SNED1: variants seen among roughly 807,000 people sequenced by gnomAD.
SNED1 encodes sushi, nidogen and EGF like domains 1.
In SNED1, 81 loss-of-function variants were observed where a neutral mutation model predicts 166.7. That is an observed-to-expected ratio of 0.49 (90% CI 0.41 to 0.58). The LOEUF (loss-of-function observed/expected upper bound fraction) is 0.58. Ranked by LOEUF, SNED1 falls within the 20% of genes least tolerant of loss-of-function variation. SNED1 has a pLI of 0.00. For synonymous variants in SNED1, 762 were observed against 822.0 expected (o/e 0.93, Z 1.25); for missense variants, 1,604 against 2,000.2 (o/e 0.80, Z 3.78).
rs940967034 is a variant in SNED1 at position 240,999,163 on chromosome 2, G to A, written c.213+113G>A. On this transcript the variant is annotated intron_variant, in intron 1 of 31. Transcript: ENST00000310397. The surrounding 1 kb of genome is among the most constrained non-coding windows in gnomAD (Gnocchi z 5.8). ...GCCGCCAGCCACTTGGCACCGGGGC[G>A]GCCCGAGGTGGAATGAGGACAGCGC... The A allele has an allele frequency of 7.2e-6, 4 of 556,474 alleles. No homozygotes were observed. Among genetic ancestry groups the A allele is most frequent in the South Asian group, 7.8e-5 (1 of 12,746 alleles). 34.5% of individuals were successfully genotyped at this position (556,474 alleles called of 1,614,324 possible).
chr2:241,049,907 G>C lies in SNED1; in HGVS notation c.1709G>C (p.Gly570Ala), dbSNP rs2061778512. Residue 570 changes from glycine to alanine, a missense_variant, in exon 12 of 32, where the codon GGG becomes GCG. Coordinates refer to ENST00000310397, the MANE Select transcript of SNED1 (RefSeq NM_001080437.3). ...DDSYTCECPR[G>A]FHGKHCEKAR... ...TCCTACACCTGCGAGTGCCCGCGCG[G>C]GTTCCACGGCAAGCACTGCGAGAAA... The C allele has an allele frequency of 6.2e-7, 1 of 1,613,728 alleles. No individual in the cohort carries two copies. Among genetic ancestry groups the C allele is most frequent in the Non-Finnish European group, 8.5e-7 (1 of 1,179,740 alleles).
intron 1 of SNED1, among the ~76,000 whole-genome samples, chr2:241,019,206 C>A (rs530740807): frequency 6.6e-6 from 1 of 152,146 alleles, no homozygotes; most frequent in South Asian, 2.1e-4. Context: ...GGACCAGGAG[C>A]AGGCAGGGAG....
chr2:241,063,406 T>G, intron 17 of SNED1, 181 bp from the exon 18 acceptor site: 2 of 614,070 alleles, frequency 3.3e-6, no homozygotes, highest in South Asian at 3.6e-5. Context: ...GCAGTGGAGG[T>G]GGCACGCCTC....
rs1360663554 is a variant in SNED1, at chr2:241,091,391, G to T, written c.*2-247G>T. On this transcript the variant is annotated intron_variant, in intron 31 of 31. Coordinates refer to ENST00000310397, the MANE Select transcript of SNED1 (RefSeq NM_001080437.3). The surrounding 1 kb of genome is among the most constrained non-coding windows in gnomAD (Gnocchi z 4.1). ...GAGCCCACATGTTCCTAAAGATGGG[G>T]ATGTAGTCGGTGGAGGCTGCCCCTC... Among the ~76,000 whole-genome samples the T allele has an allele frequency of 7.8e-6, 1 of 128,650 alleles. No homozygotes were observed. The highest frequency in any genetic ancestry group is 3.8e-5 in the African/African-American group (1 of 26,474). 84.4% of individuals were successfully genotyped at this position (128,650 alleles called of 152,430 possible). A position where few individuals can be genotyped will look rare whatever the true frequency, so the allele number is the denominator to read the frequency against.
chr2:241,085,864 T>TTTC (rs1279161321), intron 29 of SNED1, among the ~76,000 whole-genome samples: 66 of 138,634 alleles, frequency 4.8e-4, no homozygotes, highest in African/African-American at 1.8e-3. Flanking sequence ...CGGTTTCTTT[T>TTTC]TTTTTTTTTT....
Position 241,073,604 on chromosome 2 carries a change from G to T in SNED1, c.3916+240G>T. 1 of 584,166 alleles carries T rather than the reference G, an allele frequency of 1.7e-6. No individual in the cohort carries two copies. The allele number at this position is 584,166 out of a possible 1,614,324, so 36.2% of individuals were successfully genotyped here. The stretch of plus-strand genomic sequence containing the variant: ...GCAGGACCCACCCAAACCACCCAGA[G>T]TCTGAGCTAGAGAGACTGGCTTTGA... On this transcript the variant is annotated intron_variant, in intron 27 of 31. Coordinates refer to ENST00000310397, the MANE Select transcript of SNED1 (RefSeq NM_001080437.3). The surrounding 1 kb of genome is among the most constrained non-coding windows in gnomAD (Gnocchi z 6.6).
chr2:241,000,779 T>C (rs1224270377), intron 1 of SNED1, among the ~76,000 whole-genome samples: 1 of 152,236 alleles, frequency 6.6e-6, no homozygotes, highest in African/African-American at 2.4e-5. Context: ...CGGAGCTTTT[T>C]CCTGAAACAA....
Position 240,998,888 on chromosome 2 carries a change from TGGGGCGCGC to T in SNED1, c.56_64del (p.Ala19_Gly21del). ...TGCTGGTGGCCGCGGCCCTGGGGCT[TGGGGCGCGC>T]GGGGTGCGCGGCGCGGTGGCCCTTG... is the stretch of plus-strand genomic sequence containing the variant. On this transcript the variant is annotated inframe_deletion, in exon 1 of 32. Coordinates refer to ENST00000310397, the MANE Select transcript of SNED1 (RefSeq NM_001080437.3). 1 of 1,224,196 alleles carries T rather than the reference TGGGGCGCGC, an allele frequency of 8.2e-7. No individual in the cohort carries two copies. Among genetic ancestry groups the T allele is most frequent in the East Asian group, 3.5e-5 (1 of 28,596 alleles). 75.8% of individuals were successfully genotyped at this position (1,224,196 alleles called of 1,614,324 possible).
chr2:241,065,244 T>C (rs1575034841), intron 20 of SNED1, 55 bp from the exon 21 acceptor site: 2 of 1,587,640 alleles, frequency 1.3e-6, no homozygotes, highest in Middle Eastern at 1.7e-4. Context: ...GAGCCAGGCA[T>C]GCATAGCTAA....
At chr2:241,059,147 A>G (rs1232892046) in intron 16 of SNED1, among the ~76,000 whole-genome samples, 1 of 152,220 alleles carries the variant, frequency 6.6e-6, no homozygotes, top group African/African-American at 2.4e-5. Context: ...GTATCTGACA[A>G]CTTAGGGGAA....
chr2:241,043,293 G>A (rs541602347), intron 8 of SNED1, among the ~76,000 whole-genome samples: 12 of 152,012 alleles, frequency 7.9e-5, no homozygotes, highest in African/African-American at 1.2e-4. Context: ...TACATACAGC[G>A]AAACAAGAAT....
At position 241,064,059 on chromosome 2, in the gene SNED1, G is replaced by C. The variant is rs2062335210; in HGVS notation, c.2533G>C (p.Glu845Gln). ...SSPCQHGGRC[E>Q]SGGGAYLCVC... Reference sequence around the variant, plus strand: ...CCCCTGCCAGCATGGAGGCCGGTGTGAGAGCGGCGGCGGGGCCTACCTGTG... The same window carrying C: ...CCCCTGCCAGCATGGAGGCCGGTGTCAGAGCGGCGGCGGGGCCTACCTGTG... The change falls in exon 19 of 32, where the codon GAG becomes CAG. Residue 845 changes from glutamate (E) to glutamine (Q), a missense_variant. This residue lies in a region of SNED1 where 1,237 missense variants were observed against 1,620.8 expected (regional missense o/e 0.76). Transcript: ENST00000310397. The surrounding 1 kb of genome is among the most constrained non-coding windows in gnomAD (Gnocchi z 7.0). 6.4e-7 allele frequency: 1 copy of C among 1,568,244 alleles called. No individual in the cohort carries two copies. Among genetic ancestry groups the C allele is most frequent in the Non-Finnish European group, 8.6e-7 (1 of 1,157,846 alleles).
At chr2:241,085,990 C>G (rs1433589757) in intron 29 of SNED1, among the ~76,000 whole-genome samples, 1 of 151,400 alleles carries the variant, frequency 6.6e-6, no homozygotes, top group Non-Finnish European at 1.5e-5. Flanking sequence ...GCCTCAGACT[C>G]CCAAGTAGCT....
chr2:241,070,118 G>C lies in SNED1; in HGVS notation c.3506G>C (p.Arg1169Pro), dbSNP rs768935846. 6 of 1,612,638 alleles carry C rather than the reference G, an allele frequency of 3.7e-6. No homozygotes were observed. The East Asian group carries it at 8.9e-5, about 24-fold the overall frequency. Reference sequence around the variant, plus strand: ...GTGCGCGACCTGCTGCCGGGACGGCGGTACCAGCTCTCTGTGATAGCAGTG... The same window carrying C: ...GTGCGCGACCTGCTGCCGGGACGGCCGTACCAGCTCTCTGTGATAGCAGTG... ...YTVRDLLPGRRYQLSVIAVQS... is the reference protein window; with the variant it reads ...YTVRDLLPGRPYQLSVIAVQS... The change falls in exon 24 of 32, where the codon CGG becomes CCG. Residue 1169 changes from arginine to proline, a missense_variant. Coordinates refer to ENST00000310397, the MANE Select transcript of SNED1 (RefSeq NM_001080437.3).
chr2:241,073,706 C>T lies in SNED1; in HGVS notation c.3916+342C>T, dbSNP rs1473006007. On this transcript the variant is annotated intron_variant, in intron 27 of 31. Transcript: ENST00000310397. The surrounding 1 kb of genome is among the most constrained non-coding windows in gnomAD (Gnocchi z 6.6). ...CCCCAGCCCCTGCCTCTGGGCCCCT[C>T]ACCCCTCACTTCTCCAAAGAGGAGC... 1 of 454,524 alleles carries T rather than the reference C, an allele frequency of 2.2e-6. No individual in the cohort carries two copies. The highest frequency in any genetic ancestry group is 3.9e-6 in the Non-Finnish European group (1 of 256,562). The allele number at this position is 454,524 out of a possible 1,614,324, so 28.2% of individuals were successfully genotyped here.
chr2:241,070,206 G>C lies in SNED1; in HGVS notation c.3589+5G>C. The C allele has an allele frequency of 6.2e-7, 1 of 1,601,150 alleles. No individual in the cohort carries two copies. The highest frequency in any genetic ancestry group is 8.5e-7 in the Non-Finnish European group (1 of 1,176,316). The stretch of plus-strand genomic sequence containing the variant: ...CCCACCTCTACATCATCACCTGTGA[G>C]TGCCGTGGGCCCTGCGCGTGGGCGG... On this transcript the variant is annotated splice_donor_5th_base_variant and intron_variant, in intron 24 of 31. Coordinates refer to ENST00000310397, the MANE Select transcript of SNED1 (RefSeq NM_001080437.3).
chr2:241,063,731 C>T (rs1193281185), intron 18 of SNED1, 31 bp downstream of exon 18: 2 of 1,429,770 alleles, frequency 1.4e-6, no homozygotes, highest in African/African-American at 2.8e-5. Context: ...GCCCCACATG[C>T]AGAGCCTGGG....
intron 16 of SNED1, among the ~76,000 whole-genome samples, chr2:241,056,044 G>A (rs2125133115): frequency 6.6e-6 from 1 of 152,150 alleles, no homozygotes; most frequent in East Asian, 1.9e-4. Flanking sequence ...TGTCTAAGAA[G>A]CAAGAAATGA....
At chr2:241,084,449 C>T (rs996594801) in intron 29 of SNED1, among the ~76,000 whole-genome samples, 4 of 152,036 alleles carry the variant, frequency 2.6e-5, no homozygotes, top group South Asian at 2.1e-4. Context: ...TGACTGTGCC[C>T]GGCCAGCAGT....
Sources: allele counts gnomAD v4.1 joint callset (sites outside exome capture counted in the v4.1 genomes callset), GRCh38; gene constraint gnomAD v4.1.1; regional missense constraint gnomAD v4.1.1; non-coding constraint Gnocchi (gnomAD v3.1); transcripts MANE v1.5; gene names NCBI Gene and HGNC (gene_info 2026-07-23, HGNC 2026-07-21).